Variants in A1CF observed in about 807,000 individuals in gnomAD.
The protein encoded by A1CF is APOBEC1 complementation factor, also known as APOBEC-1 stimulating protein.
Under a neutral mutation model 68.9 loss-of-function variants are expected in A1CF, and 48 were observed. The observed-to-expected ratio is 0.70, with a 90% confidence interval of 0.55 to 0.89. The LOEUF (loss-of-function observed/expected upper bound fraction) is 0.89, where lower values mean the gene tolerates loss of function less well. Among genes scored for constraint, A1CF ranks in the 40% least tolerant of loss-of-function variants. The pLI is 0.00. For missense variants in A1CF, 653 were observed against 718.9 expected (o/e 0.91, Z 1.05); for synonymous variants, 272 against 260.4 (o/e 1.04, Z -0.43).
intron 1 of A1CF, among the ~76,000 whole-genome samples, chr10:50,880,817 G>A (rs1014461561): frequency 6.6e-6 from 1 of 152,290 alleles, no homozygotes; most frequent in Non-Finnish European, 1.5e-5. Flanking sequence ...AGGCAGGTAG[G>A]AGATTTTATA....
At chr10:50,868,228 C>T (rs146603769) in intron 1 of A1CF, among the ~76,000 whole-genome samples, 4 of 152,178 alleles carry the variant, frequency 2.6e-5, no homozygotes, top group African/African-American at 4.8e-5. Context: ...GGGAATTTTA[C>T]GTGAAAGAAA....
intron 7 of A1CF, among the ~76,000 whole-genome samples, chr10:50,823,765 CT>C (rs1383722564): frequency 6.6e-6 from 1 of 152,040 alleles, no homozygotes; most frequent in African/African-American, 2.4e-5. Context: ...ATCTTCAGGT[CT>C]CAATTTTTGT....
At chr10:50,839,405 A>G (rs1471651822) in intron 5 of A1CF, among the ~76,000 whole-genome samples, 1 of 152,230 alleles carries the variant, frequency 6.6e-6, no homozygotes, top group Admixed American at 6.5e-5. Flanking sequence ...ACTGTAATGT[A>G]GCGTTTTGTA....
rs962945138 is a variant in A1CF, at chr10:50,880,359, G to A, written c.-94+5222C>T. Among the ~76,000 whole-genome samples the A allele has an allele frequency of 5.9e-5, 9 of 152,336 alleles. No homozygotes were observed. The South Asian group carries it at 1.5e-3, about 25-fold the overall frequency. ...GTAGCAATAGTACCCATTCCATAGA[G>A]TGATGGAGGATTAAATGAGTTAACC... On this transcript the variant is annotated intron_variant, in intron 1 of 12. Coordinates refer to ENST00000373997, the MANE Select transcript of A1CF (RefSeq NM_014576.4).
intron 1 of A1CF, among the ~76,000 whole-genome samples, chr10:50,864,488 C>T (rs557133416): frequency 6.6e-6 from 1 of 152,282 alleles, no homozygotes; most frequent in East Asian, 1.9e-4. Context: ...TCCTCTAGTT[C>T]TTACAGCTTC....
chr10:50,868,433 T>A lies in A1CF; in HGVS notation c.-93-4353A>T, dbSNP rs555402797. 5.3e-5 allele frequency among the ~76,000 whole-genome samples: 8 copies of A among 152,282 alleles called. No homozygotes were observed. The East Asian group carries it at 7.7e-4, about 15-fold the overall frequency. On this transcript the variant is annotated intron_variant, in intron 1 of 12. Coordinates refer to ENST00000373997, the MANE Select transcript of A1CF (RefSeq NM_014576.4). ...TGGTAGCATGCACTTTGGTCATGGA[T>A]CATGAGCCATAGCAAAATTAATAGA...
At chr10:50,827,173 C>T (rs1838985988) in intron 7 of A1CF, among the ~76,000 whole-genome samples, 1 of 152,232 alleles carries the variant, frequency 6.6e-6, no homozygotes, top group African/African-American at 2.4e-5. Flanking sequence ...GACTCCCACA[C>T]AATAATAATG....
chr10:50,870,961 T>C (rs1311594683), intron 1 of A1CF, among the ~76,000 whole-genome samples: 1 of 151,574 alleles, frequency 6.6e-6, no homozygotes, highest in African/African-American at 2.4e-5. Context: ...TTTAATTCAT[T>C]TCACTGTTAA....
At chr10:50,857,181 T>TTGG (rs1840520442) in intron 3 of A1CF, among the ~76,000 whole-genome samples, 1 of 152,162 alleles carries the variant, frequency 6.6e-6, no homozygotes, top group Non-Finnish European at 1.5e-5. Context: ...ACTTTTAAAA[T>TTGG]TGGTGCATAA....
At chr10:50,833,995 AG>A (rs1839370496) in intron 6 of A1CF, among the ~76,000 whole-genome samples, 2 of 152,322 alleles carry the variant, frequency 1.3e-5, no homozygotes, top group South Asian at 4.1e-4. Flanking sequence ...AGAATCCACA[AG>A]GAAAAGTCAG....
chr10:50,861,016 A>G (rs1191349901), intron 2 of A1CF, among the ~76,000 whole-genome samples: 1 of 152,166 alleles, frequency 6.6e-6, no homozygotes, highest in African/African-American at 2.4e-5. Context: ...TGCAACTAGA[A>G]TGTATTTGAA....
intron 3 of A1CF, chr10:50,850,877 A>T: frequency 6.6e-7 from 1 of 1,503,822 alleles, no homozygotes; most frequent in Non-Finnish European, 8.9e-7. Context: ...TCCTTAAAGA[A>T]TGTGTAATTT....
chr10:50,831,679 G>A (rs531705534), intron 6 of A1CF, among the ~76,000 whole-genome samples: 2 of 152,312 alleles, frequency 1.3e-5, no homozygotes, highest in South Asian at 4.1e-4. Flanking sequence ...AGTGAGCCAA[G>A]ATCATGCCAT....
At chr10:50,810,884 G>T (rs562541004) in intron 11 of A1CF, among the ~76,000 whole-genome samples, 156 bp downstream of exon 11, 1 of 152,248 alleles carries the variant, frequency 6.6e-6, no homozygotes, top group African/African-American at 2.4e-5. Context: ...CTGGTTTCAT[G>T]GCTGGCACAT....
chr10:50,826,489 A>G (rs1158412991), intron 7 of A1CF, among the ~76,000 whole-genome samples: 1 of 152,200 alleles, frequency 6.6e-6, no homozygotes. Flanking sequence ...ACATTCTTAA[A>G]GAAAATAATT....
At chr10:50,861,782 T>C (rs958096340) in intron 2 of A1CF, among the ~76,000 whole-genome samples, 1 of 148,108 alleles carries the variant, frequency 6.8e-6, no homozygotes, top group Non-Finnish European at 1.5e-5. Context: ...CTAATCATAA[T>C]AATAGTAATA....
intron 4 of A1CF, among the ~76,000 whole-genome samples, chr10:50,842,700 C>G (rs180982392): frequency 1.4e-4 from 22 of 152,326 alleles, no homozygotes; most frequent in African/African-American, 4.8e-4. Context: ...TGGTCCTATT[C>G]TATCATTGAT....
intron 5 of A1CF, among the ~76,000 whole-genome samples, chr10:50,837,841 T>C (rs1310179506): frequency 1.3e-5 from 2 of 152,102 alleles, no homozygotes; most frequent in African/African-American, 4.8e-5. Context: ...TATATTGGTT[T>C]AAAAAAACAG....
At chr10:50,808,689 AC>A (rs375432573) in intron 12 of A1CF, among the ~76,000 whole-genome samples, 55 of 152,298 alleles carry the variant, frequency 3.6e-4, no homozygotes, top group African/African-American at 1.3e-3. Flanking sequence ...TTACAGAGAA[AC>A]AAAGCCAGAA....
Sources: allele counts gnomAD v4.1 joint callset (sites outside exome capture counted in the v4.1 genomes callset), GRCh38; gene constraint gnomAD v4.1.1; transcripts MANE v1.5; gene names NCBI Gene and HGNC (gene_info 2026-07-23, HGNC 2026-07-21).